HDAC9: variants seen among roughly 807,000 people sequenced by gnomAD.
HDAC9 encodes MEF-2 interacting transcription repressor (MITR) protein.
A neutral mutation model predicts 139.4 loss-of-function variants in HDAC9; 41 were observed. That is an observed-to-expected ratio of 0.29 (90% CI 0.23 to 0.38). HDAC9 has a LOEUF of 0.38. HDAC9 is among the 10% of genes least tolerant of loss of function. The pLI is 1.00. For synonymous variants in HDAC9, 517 were observed against 476.2 expected, an observed-to-expected ratio of 1.09 and a Z score of -1.12; for missense variants, 1,147 against 1,297.0, an observed-to-expected ratio of 0.88 and a Z score of 1.78.
intron 2 of HDAC9, among the ~76,000 whole-genome samples, chr7:18,256,852 G>A (rs1347125520): frequency 1.3e-5 from 2 of 151,966 alleles, no homozygotes; most frequent in Admixed American, 1.3e-4. Context: ...CTTTGGGAGG[G>A]CAAGGTAGGG....
At chr7:18,929,964 T>G (rs1039500101) in intron 22 of HDAC9, among the ~76,000 whole-genome samples, 1 of 151,804 alleles carries the variant, frequency 6.6e-6, no homozygotes, top group African/African-American at 2.4e-5. Flanking sequence ...TGAAACAATA[T>G]GATTTCTTAG....
intron 2 of HDAC9, among the ~76,000 whole-genome samples, chr7:18,279,908 C>T (rs1330795484): frequency 6.6e-6 from 1 of 152,018 alleles, no homozygotes; most frequent in African/African-American, 2.4e-5. Flanking sequence ...TCATTTATCT[C>T]TTCTGGCTAG....
chr7:18,477,341 C>A (rs115271986), intron 1 of HDAC9, among the ~76,000 whole-genome samples: 2 of 152,070 alleles, frequency 1.3e-5, no homozygotes, highest in Non-Finnish European at 2.9e-5. Flanking sequence ...TTTAATCCAG[C>A]GTGTCTTAAT....
At chr7:18,922,574 C>G (rs899080177) in intron 22 of HDAC9, among the ~76,000 whole-genome samples, 7 of 152,010 alleles carry the variant, frequency 4.6e-5, no homozygotes, top group African/African-American at 1.7e-4. Flanking sequence ...GCTCACAAAT[C>G]TGCATTTTAA....
chr7:18,807,776 G>T (rs1793836973), intron 17 of HDAC9, among the ~76,000 whole-genome samples: 1 of 151,952 alleles, frequency 6.6e-6, no homozygotes, highest in South Asian at 2.1e-4. Context: ...TACTCTTGTG[G>T]TCAGAAAAGA....
chr7:18,594,194 T>C (rs1453580010), intron 6 of HDAC9, among the ~76,000 whole-genome samples, 165 bp downstream of exon 6: 1 of 152,118 alleles, frequency 6.6e-6, no homozygotes, highest in Non-Finnish European at 1.5e-5. Context: ...ACCCTACTTA[T>C]TTCTGCATCA....
chr7:18,648,098 C>A, intron 10 of HDAC9, 100 bp downstream of exon 10: 1 of 927,276 alleles, frequency 1.1e-6, no homozygotes, highest in Admixed American at 2.7e-5. Flanking sequence ...TGGAGATCCA[C>A]AGTGCTATAC....
Position 18,732,786 on chromosome 7 carries a change from CGT to C in HDAC9, c.1909+5034_1909+5035del, listed in dbSNP as rs750529788. Among the ~76,000 whole-genome samples the C allele has an allele frequency of 2.2e-3, 182 of 82,080 alleles. 13 individuals are homozygous for C. Among genetic ancestry groups the C allele is most frequent in the African/African-American group, 4.3e-3 (54 of 12,700 alleles). 53.8% of individuals were successfully genotyped at this position (82,080 alleles called of 152,430 possible). On this transcript the variant is annotated intron_variant, in intron 13 of 25. Coordinates refer to ENST00000686413, the MANE Select transcript of HDAC9 (RefSeq NM_178425.4). ...GTATGTGTGCGTATGTGTACACACA[CGT>C]GTGTTTGTGTGCGTATGTGTACACA...
At chr7:18,206,796 C>T (rs950746899) in intron 2 of HDAC9, among the ~76,000 whole-genome samples, 4 of 152,114 alleles carry the variant, frequency 2.6e-5, no homozygotes, top group African/African-American at 9.7e-5. Flanking sequence ...TTGGTAATCC[C>T]AGTTCCAAGC....
At chr7:18,381,897 C>T (rs1168757008) in intron 1 of HDAC9, among the ~76,000 whole-genome samples, 1 of 152,086 alleles carries the variant, frequency 6.6e-6, no homozygotes, top group Non-Finnish European at 1.5e-5. Context: ...GGTATATGGA[C>T]TCTTGGATAG....
intron 1 of HDAC9, among the ~76,000 whole-genome samples, chr7:18,160,860 C>A (rs1291170222): frequency 6.6e-6 from 1 of 152,118 alleles, no homozygotes; most frequent in Non-Finnish European, 1.5e-5. Context: ...TCAAGTGATG[C>A]ACCCACCTTG....
intron 12 of HDAC9, among the ~76,000 whole-genome samples, chr7:18,726,802 A>G (rs1423570050): frequency 1.3e-5 from 2 of 151,866 alleles, no homozygotes. Context: ...GCTGTGTAGC[A>G]TTGATGATTA....
intron 1 of HDAC9, among the ~76,000 whole-genome samples, chr7:18,437,548 G>T (rs907362972): frequency 6.7e-6 from 1 of 148,472 alleles, no homozygotes; most frequent in Non-Finnish European, 1.5e-5. Flanking sequence ...TATATAATCT[G>T]GAAATTATAT....
At chr7:18,119,523 A>G (rs567928665) in intron 1 of HDAC9, among the ~76,000 whole-genome samples, 2 of 152,338 alleles carry the variant, frequency 1.3e-5, no homozygotes, top group African/African-American at 4.8e-5. Flanking sequence ...TCTAAACTCT[A>G]GAGAACTGTC....
intron 6 of HDAC9, among the ~76,000 whole-genome samples, chr7:18,606,975 T>C (rs967008793): frequency 1.3e-5 from 2 of 152,190 alleles, no homozygotes; most frequent in African/African-American, 4.8e-5. Context: ...TGGTCCAGAA[T>C]ACTAAGATTC....
intron 1 of HDAC9, chr7:18,430,618 A>G (rs1386564533): frequency 1.3e-5 from 2 of 152,210 alleles, no homozygotes; most frequent in African/African-American, 4.8e-5. Flanking sequence ...ATGGTGGTTC[A>G]TACCTGTAAT....
At chr7:18,128,016 ATTTTTATTTCT>A (rs1370110036) in intron 1 of HDAC9, among the ~76,000 whole-genome samples, 2 of 152,094 alleles carry the variant, frequency 1.3e-5, no homozygotes, top group Non-Finnish European at 2.9e-5. Context: ...TTACAATACA[ATTTTTATTTCT>A]TGAGTAACAA....
chr7:18,832,812 C>T (rs529067778), intron 19 of HDAC9, among the ~76,000 whole-genome samples: 54 of 152,058 alleles, frequency 3.6e-4, no homozygotes, highest in African/African-American at 1.2e-3. Context: ...CTCGGCTCAC[C>T]GCAACCTCCA....
intron 1 of HDAC9, among the ~76,000 whole-genome samples, chr7:18,366,631 C>A (rs1784202137): frequency 6.6e-6 from 1 of 152,008 alleles, no homozygotes; most frequent in Non-Finnish European, 1.5e-5. Context: ...CTTTATCCTT[C>A]AAAAAATTTG....
Sources: allele counts gnomAD v4.1 joint callset (sites outside exome capture counted in the v4.1 genomes callset), GRCh38; gene constraint gnomAD v4.1.1; transcripts MANE v1.5; gene names NCBI Gene and HGNC (gene_info 2026-07-23, HGNC 2026-07-21).